STXBP5: variants seen among roughly 807,000 people sequenced by gnomAD.
STXBP5 encodes the protein syntaxin binding protein 5, also known as syntaxin-binding protein 5.
In STXBP5, 50 loss-of-function variants were observed where a neutral mutation model predicts 152.4. That is an observed-to-expected ratio of 0.33 (90% confidence interval 0.26 to 0.42). The LOEUF (loss-of-function observed/expected upper bound fraction) is 0.42. Ranked by LOEUF, STXBP5 falls within the 10% of genes least tolerant of loss-of-function variation. The probability of loss-of-function intolerance (pLI) is 1.00; values close to 1 mark genes in which losing one functional copy is unlikely to be tolerated. For missense variants in STXBP5, 1,167 were observed against 1,388.6 expected (o/e 0.84, Z 2.54); for synonymous variants, 492 against 494.7 (o/e 0.99, Z 0.07).
chr6:147,346,945 C>T (rs1431694790), intron 21 of STXBP5, among the ~76,000 whole-genome samples: 1 of 152,162 alleles, frequency 6.6e-6, no homozygotes, highest in African/African-American at 2.4e-5. Flanking sequence ...CCTTTCTGCT[C>T]AGCTTTCTGC....
chr6:147,316,472 A>G (rs1224498607), intron 16 of STXBP5, 65 bp downstream of exon 16: 3 of 1,316,476 alleles, frequency 2.3e-6, no homozygotes, highest in Non-Finnish European at 3.0e-6. Flanking sequence ...AATTGTAAGC[A>G]TTAGAGCTAT....
intron 11 of STXBP5, 141 bp downstream of exon 11, chr6:147,311,668 T>A (rs1231144434): frequency 8.6e-6 from 5 of 583,220 alleles, no homozygotes; most frequent in Non-Finnish European, 1.5e-5. Context: ...AGCTCCAGAC[T>A]CACATATCTA....
chr6:147,371,187 A>G (rs1374821349), intron 25 of STXBP5, among the ~76,000 whole-genome samples: 2 of 152,098 alleles, frequency 1.3e-5, no homozygotes, highest in South Asian at 2.1e-4. Context: ...GATTTCACCA[A>G]CATACACTAG....
At chr6:147,345,324 C>T (rs1221859054) in intron 21 of STXBP5, among the ~76,000 whole-genome samples, 1 of 152,154 alleles carries the variant, frequency 6.6e-6, no homozygotes, top group Non-Finnish European at 1.5e-5. Flanking sequence ...GGGAGATAGA[C>T]ATTGGTATTA....
intron 4 of STXBP5, among the ~76,000 whole-genome samples, chr6:147,259,921 A>G (rs1779564339): frequency 6.6e-6 from 1 of 152,146 alleles, no homozygotes; most frequent in Non-Finnish European, 1.5e-5. Flanking sequence ...AATTTTAGCA[A>G]ATGCATGTAA....
chr6:147,371,954 A>G (rs1785560604), intron 25 of STXBP5, among the ~76,000 whole-genome samples: 1 of 152,186 alleles, frequency 6.6e-6, no homozygotes, highest in African/African-American at 2.4e-5. Context: ...TCTGTGAAAT[A>G]CTGTTTTTAA....
intron 8 of STXBP5, among the ~76,000 whole-genome samples, chr6:147,284,381 T>G (rs1222416860): frequency 2.0e-5 from 3 of 152,174 alleles, no homozygotes; most frequent in Non-Finnish European, 2.9e-5. Context: ...GAATCTTTAT[T>G]CATTGAATAA....
chr6:147,302,046 G>T (rs972885209), intron 9 of STXBP5, among the ~76,000 whole-genome samples: 1 of 152,124 alleles, frequency 6.6e-6, no homozygotes, highest in Non-Finnish European at 1.5e-5. Context: ...ATATGCCCAA[G>T]ATTGGACTTA....
At chr6:147,255,422 G>C (rs1162946619) in intron 4 of STXBP5, among the ~76,000 whole-genome samples, 1 of 152,206 alleles carries the variant, frequency 6.6e-6, no homozygotes, top group Non-Finnish European at 1.5e-5. Context: ...AGGACCTGTA[G>C]TTAGACATTG....
intron 9 of STXBP5, among the ~76,000 whole-genome samples, chr6:147,298,696 A>G (rs1781654355): frequency 6.6e-6 from 1 of 152,068 alleles, no homozygotes; most frequent in South Asian, 2.1e-4. Context: ...AAACTGTAAA[A>G]ATACATGGAC....
chr6:147,358,256 A>G (rs1377887158), intron 22 of STXBP5, among the ~76,000 whole-genome samples: 2 of 152,208 alleles, frequency 1.3e-5, no homozygotes, highest in Admixed American at 1.3e-4. Flanking sequence ...AGGTAGTATC[A>G]GAGTACTTCT....
chr6:147,351,614 G>A (rs1477216176), intron 21 of STXBP5, among the ~76,000 whole-genome samples: 1 of 152,110 alleles, frequency 6.6e-6, no homozygotes, highest in Non-Finnish European at 1.5e-5. Context: ...ATGTTATTTG[G>A]CCATTTCAGT....
At chr6:147,315,417 T>C in intron 14 of STXBP5, 98 bp from the exon 15 acceptor site, 1 of 748,230 alleles carries the variant, frequency 1.3e-6, no homozygotes, top group East Asian at 2.7e-5. Context: ...TGTAGTTAAA[T>C]ATGGACCATT....
rs935339597 is a variant in STXBP5 at position 147,387,143 on chromosome 6, G to T, written c.*2388G>T. 3 of 151,548 alleles carry T rather than the reference G, an allele frequency of 2.0e-5. No individual in the cohort carries two copies. Among genetic ancestry groups the T allele is most frequent in the Non-Finnish European group, 4.4e-5 (3 of 67,672 alleles). The allele number at this position is 151,548 out of a possible 1,614,324, so 9.4% of individuals were successfully genotyped here. ...AAAGCTTAAAGTATGTTTGAGTGTA[G>T]GAAATAAGCTTCTCAGAGTTATACT... On this transcript the variant is annotated 3_prime_UTR_variant, in exon 28 of 28. Coordinates refer to ENST00000321680, the MANE Select transcript of STXBP5 (RefSeq NM_001127715.4).
chr6:147,311,359 A>C, intron 10 of STXBP5, 96 bp from the exon 11 acceptor site: 1 of 1,020,442 alleles, frequency 9.8e-7, no homozygotes, highest in Non-Finnish European at 1.5e-6. Context: ...AATACTCAAG[A>C]GAATGAAACT....
intron 7 of STXBP5, 86 bp downstream of exon 7, chr6:147,267,253 T>G (rs1285319692): frequency 3.6e-6 from 4 of 1,106,220 alleles, no homozygotes; most frequent in Non-Finnish European, 2.6e-6. Flanking sequence ...AATTTTACTT[T>G]AGGCAAACTT....
At chr6:147,266,139 TAATGTATTGAGTGGCC>T (rs2115364161) in intron 6 of STXBP5, among the ~76,000 whole-genome samples, 1 of 152,202 alleles carries the variant, frequency 6.6e-6, no homozygotes, top group South Asian at 2.1e-4. Flanking sequence ...GAATATACTG[TAATGTATTGAGTGGCC>T]ATGGTATGGT....
chr6:147,295,710 A>T (rs1185957219), intron 9 of STXBP5, among the ~76,000 whole-genome samples: 8 of 152,186 alleles, frequency 5.3e-5, no homozygotes, highest in Non-Finnish European at 1.5e-5. Context: ...CTGCAGGCAC[A>T]TGCAGTCCTT....
At chr6:147,277,417 T>G (rs748476396) in intron 7 of STXBP5, among the ~76,000 whole-genome samples, 2 of 151,916 alleles carry the variant, frequency 1.3e-5, no homozygotes, top group East Asian at 3.9e-4. Context: ...ATTTAAAAAG[T>G]TTTTTTTACA....
Sources: gnomAD v4.1 joint callset for allele counts (sites outside exome capture counted in the v4.1 genomes callset) on GRCh38, gnomAD v4.1.1 for gene constraint, MANE v1.5 for transcripts, NCBI Gene and HGNC (gene_info 2026-07-23, HGNC 2026-07-21) for gene names.